Variants in RSL24D1 observed in about 807,000 individuals in gnomAD.
RSL24D1 encodes ribosomal L24 domain containing 1, also known as probable ribosome biogenesis protein RLP24.
A neutral mutation model predicts 26.2 loss-of-function variants in RSL24D1; 6 were observed. The observed-to-expected ratio is 0.23, with a 90% CI of 0.13 to 0.45. The LOEUF (loss-of-function observed/expected upper bound fraction) is 0.45. Ranked by LOEUF, RSL24D1 falls within the 20% of genes least tolerant of loss-of-function variation. The pLI is 0.99. For missense variants in RSL24D1, 176 were observed against 202.6 expected (o/e 0.87, Z 0.80); for synonymous variants, 61 against 59.1 (o/e 1.03, Z -0.15).
intron 3 of RSL24D1, among the ~76,000 whole-genome samples, chr15:55,190,255 A>T (rs1271411232): frequency 6.7e-6 from 1 of 149,332 alleles, no homozygotes; most frequent in Admixed American, 6.6e-5. Context: ...AACTCAAAAA[A>T]AAAAAAAAAA....
At chr15:55,196,629 C>T in intron 1 of RSL24D1, 181 bp downstream of exon 1, 2 of 621,918 alleles carry the variant, frequency 3.2e-6, no homozygotes, top group Non-Finnish European at 5.7e-6. Context: ...GGAAGACGGG[C>T]AAGGAGAAAC....
intron 1 of RSL24D1, among the ~76,000 whole-genome samples, chr15:55,193,470 G>C (rs138906516): frequency 5.4e-4 from 82 of 152,268 alleles, no homozygotes; most frequent in Middle Eastern, 3.4e-3. Context: ...TTGTTACTTT[G>C]TAATGCCTTA....
rs114313330 is a variant in RSL24D1, at chr15:55,195,327, T to C, written c.81+1483A>G. 299 of 152,222 alleles carry C rather than the reference T, an allele frequency of 2.0e-3. 3 individuals carry two copies. The highest frequency in any genetic ancestry group is 6.7e-3 in the African/African-American group (279 of 41,518). 9.4% of individuals were successfully genotyped at this position (152,222 alleles called of 1,614,324 possible). On this transcript the variant is annotated intron_variant, in intron 1 of 5. Coordinates refer to ENST00000260443, the MANE Select transcript of RSL24D1 (RefSeq NM_016304.3). Reference sequence around the variant, plus strand: ...ACTGTTAGGTACATCCAATGGAAAATTCAGATTTGGAGCTCAGGAGATTTA... The same window carrying C: ...ACTGTTAGGTACATCCAATGGAAAACTCAGATTTGGAGCTCAGGAGATTTA...
At position 55,191,053 on chromosome 15, in the gene RSL24D1, A is replaced by G; in HGVS notation, c.196-6T>C. 2 of 1,556,428 alleles carry G rather than the reference A, an allele frequency of 1.3e-6. No individual in the cohort carries two copies. Among genetic ancestry groups the G allele is most frequent in the Non-Finnish European group, 1.7e-6 (2 of 1,148,354 alleles). On this transcript the variant is annotated splice_region_variant and splice_polypyrimidine_tract_variant and intron_variant, in intron 2 of 5. Coordinates refer to ENST00000260443, the MANE Select transcript of RSL24D1 (RefSeq NM_016304.3). ...TCAAATTCAAATGAATTATCCTGTA[A>G]GAGGGAACAGAGGAGATAAAAATAA...
rs75460683 is a variant in RSL24D1 at position 55,187,691 on chromosome 15, C to T, written c.269-2266G>A. On this transcript the variant is annotated intron_variant, in intron 3 of 5. Coordinates refer to ENST00000260443, the MANE Select transcript of RSL24D1 (RefSeq NM_016304.3). ...TTCTCACTTGTAAGCAGGGGCTAAG[C>T]TATGGGCACGCAAAGGCATACAGAG... is the stretch of plus-strand genomic sequence containing the variant. 8.8e-3 allele frequency among the ~76,000 whole-genome samples: 1,339 copies of T among 151,822 alleles called. 8 individuals carry two copies. Among genetic ancestry groups the T allele is most frequent in the Admixed American group, 0.017 (263 of 15,244 alleles).
intron 3 of RSL24D1, among the ~76,000 whole-genome samples, chr15:55,188,579 G>C (rs1196998226): frequency 6.6e-6 from 1 of 152,234 alleles, no homozygotes; most frequent in African/African-American, 2.4e-5. Context: ...GCCACAGGCA[G>C]TGCTTAATAA....
At chr15:55,192,607 C>T (rs1023638900) in intron 2 of RSL24D1, 113 bp downstream of exon 2, 3 of 655,210 alleles carry the variant, frequency 4.6e-6, no homozygotes, top group Non-Finnish European at 8.2e-6. Context: ...AAATAAGGTA[C>T]TTATTAATCA....
At chr15:55,194,480 C>G (rs1386253330) in intron 1 of RSL24D1, 1 of 152,090 alleles carries the variant, frequency 6.6e-6, no homozygotes, top group Non-Finnish European at 1.5e-5. Flanking sequence ...TCAGGCAAAG[C>G]TTTATGGTTT....
At chr15:55,184,418 T>G (rs1048755133) in intron 4 of RSL24D1, among the ~76,000 whole-genome samples, 2 of 152,134 alleles carry the variant, frequency 1.3e-5, no homozygotes, top group African/African-American at 4.8e-5. Flanking sequence ...GTAATATGAA[T>G]AAAGGAATAA....
At chr15:55,194,862 A>G (rs1894337417) in intron 1 of RSL24D1, among the ~76,000 whole-genome samples, 1 of 151,610 alleles carries the variant, frequency 6.6e-6, no homozygotes, top group African/African-American at 2.4e-5. Context: ...CGTCTCTACA[A>G]AAAATTTTTT....
At chr15:55,189,061 C>T (rs1378476121) in intron 3 of RSL24D1, among the ~76,000 whole-genome samples, 3 of 151,942 alleles carry the variant, frequency 2.0e-5, no homozygotes, top group Non-Finnish European at 4.4e-5. Context: ...GGCGTGGCGG[C>T]GTGTGCCTGT....
chr15:55,189,078 A>C (rs1168822979), intron 3 of RSL24D1, among the ~76,000 whole-genome samples: 5 of 152,046 alleles, frequency 3.3e-5, no homozygotes, highest in Admixed American at 3.3e-4. Flanking sequence ...CTGTAGTCCC[A>C]GCTACTCGGG....
chr15:55,188,281 C>T (rs1894245480), intron 3 of RSL24D1, among the ~76,000 whole-genome samples: 1 of 152,194 alleles, frequency 6.6e-6, no homozygotes. Flanking sequence ...ATGAAACAAT[C>T]TTAAATTCCA....
At chr15:55,186,277 T>A (rs1252078716) in intron 3 of RSL24D1, among the ~76,000 whole-genome samples, 2 of 152,146 alleles carry the variant, frequency 1.3e-5, no homozygotes, top group Admixed American at 1.3e-4. Context: ...AGTCTGTAGA[T>A]CTAAAGAATA....
intron 5 of RSL24D1, 51 bp from the exon 6 acceptor site, chr15:55,182,276 C>T: frequency 9.1e-7 from 1 of 1,104,210 alleles, no homozygotes. Flanking sequence ...TGTGACCTTA[C>T]AGAATTCACA....
intron 4 of RSL24D1, among the ~76,000 whole-genome samples, 176 bp from the exon 5 acceptor site, chr15:55,183,576 T>A (rs994294289): frequency 1.4e-4 from 21 of 152,072 alleles, no homozygotes; most frequent in African/African-American, 5.1e-4. Flanking sequence ...ACGCCCCCCA[T>A]CCAGCAGGAG....
chr15:55,183,878 C>T (rs1009147138), intron 4 of RSL24D1, among the ~76,000 whole-genome samples: 5 of 152,106 alleles, frequency 3.3e-5, no homozygotes, highest in African/African-American at 1.2e-4. Context: ...TACATATTTG[C>T]TAAGTAAATG....
chr15:55,196,180 A>T (rs1353909436), intron 1 of RSL24D1, among the ~76,000 whole-genome samples: 1 of 152,148 alleles, frequency 6.6e-6, no homozygotes, highest in Non-Finnish European at 1.5e-5. Flanking sequence ...CATCATTTAC[A>T]ATCCAGTCAC....
At chr15:55,188,679 C>T (rs1405194889) in intron 3 of RSL24D1, among the ~76,000 whole-genome samples, 2 of 152,242 alleles carry the variant, frequency 1.3e-5, no homozygotes, top group Non-Finnish European at 2.9e-5. Context: ...GTATTTCTCT[C>T]GAGCAATGTA....
Sources: allele counts gnomAD v4.1 joint callset (sites outside exome capture counted in the v4.1 genomes callset), GRCh38; gene constraint gnomAD v4.1.1; transcripts MANE v1.5; gene names NCBI Gene and HGNC (gene_info 2026-07-23, HGNC 2026-07-21).